Variants in HS6ST3 observed in about 807,000 individuals in gnomAD.
HS6ST3 encodes the protein heparan sulfate 6-O-sulfotransferase 3.
In HS6ST3, 12 loss-of-function variants were observed where a neutral mutation model predicts 36.7. That is an observed-to-expected ratio of 0.33 (90% CI 0.21 to 0.53). The LOEUF is 0.53. Ranked by LOEUF, HS6ST3 falls within the 20% of genes least tolerant of loss-of-function variation. The pLI is 0.95. For missense variants in HS6ST3, 584 were observed against 640.9 expected, an observed-to-expected ratio of 0.91 and a Z score of 0.96; for synonymous variants, 240 against 257.5, an observed-to-expected ratio of 0.93 and a Z score of 0.65.
At chr13:96,826,417 A>G (rs7987042) in intron 1 of HS6ST3, among the ~76,000 whole-genome samples, 2 of 151,684 alleles carry the variant, frequency 1.3e-5, no homozygotes, top group Non-Finnish European at 2.9e-5. Context: ...TTACATAGCA[A>G]TTTTTTTTTA....
chr13:96,729,109 A>C (rs953555095), intron 1 of HS6ST3, among the ~76,000 whole-genome samples: 8 of 152,232 alleles, frequency 5.3e-5, no homozygotes, highest in Admixed American at 4.6e-4. Context: ...TTTTTGACAG[A>C]GAACAAAAAA....
At chr13:96,206,096 A>G (rs1394051247) in intron 1 of HS6ST3, among the ~76,000 whole-genome samples, 3 of 152,234 alleles carry the variant, frequency 2.0e-5, no homozygotes, top group Non-Finnish European at 4.4e-5. Context: ...TCTTAAGCTG[A>G]TAAGCAACTT....
At chr13:96,322,615 T>A (rs1223549788) in intron 1 of HS6ST3, among the ~76,000 whole-genome samples, 1 of 152,102 alleles carries the variant, frequency 6.6e-6, no homozygotes, top group Non-Finnish European at 1.5e-5. Context: ...AAATGCAATT[T>A]TTTTCTCCTA....
At chr13:96,408,956 T>G (rs183488372) in intron 1 of HS6ST3, among the ~76,000 whole-genome samples, 31 of 152,104 alleles carry the variant, frequency 2.0e-4, no homozygotes, top group African/African-American at 7.2e-4. Context: ...AAGAAAATAC[T>G]GTAATCGAAC....
At chr13:96,592,475 T>C (rs2056386134) in intron 1 of HS6ST3, among the ~76,000 whole-genome samples, 2 of 152,166 alleles carry the variant, frequency 1.3e-5, no homozygotes, top group South Asian at 4.1e-4. Flanking sequence ...GTTATGATAT[T>C]CTGTGTTTTT....
rs185158273 is a variant in HS6ST3, at chr13:96,519,412, G to T, written c.708-313078G>T. 2.0e-5 allele frequency among the ~76,000 whole-genome samples: 3 copies of T among 152,304 alleles called. No homozygotes were observed. The East Asian group carries it at 5.8e-4, about 29-fold the overall frequency. ...GGTGAAGTCTTGTTTTGCTTTGAAT[G>T]ACCGTATCTAAACTGAACTTATGTG... On this transcript the variant is annotated intron_variant, in intron 1 of 1. Transcript: ENST00000376705.
chr13:96,324,317 T>C (rs1224730422), intron 1 of HS6ST3, among the ~76,000 whole-genome samples: 2 of 152,188 alleles, frequency 1.3e-5, no homozygotes, highest in African/African-American at 2.4e-5. Context: ...TTACAAATGC[T>C]GTGATCTCCA....
rs994943076 is a variant in HS6ST3 at position 96,091,670 on chromosome 13, G to A, written c.707+101G>A. 11 of 1,421,690 alleles carry A rather than the reference G, an allele frequency of 7.7e-6. No individual in the cohort carries two copies. In the East Asian group the frequency reaches 2.0e-4, roughly 26 times the overall value. 88.1% of individuals were successfully genotyped at this position (1,421,690 alleles called of 1,614,324 possible). On this transcript the variant is annotated intron_variant, in intron 1 of 1. Transcript: ENST00000376705. Reference sequence around the variant, plus strand: ...CCCGCGCTCCCTGCCCCTGCCGATGGTTTCCTGGCGTCTTCAGCGGTTGGC... The same window carrying A: ...CCCGCGCTCCCTGCCCCTGCCGATGATTTCCTGGCGTCTTCAGCGGTTGGC...
intron 1 of HS6ST3, among the ~76,000 whole-genome samples, chr13:96,264,064 A>C (rs143431370): frequency 1.5e-4 from 23 of 152,350 alleles, no homozygotes; most frequent in African/African-American, 5.5e-4. Flanking sequence ...ACTCCTAGGT[A>C]TATGAGAATG....
At chr13:96,229,463 C>G (rs899298637) in intron 1 of HS6ST3, among the ~76,000 whole-genome samples, 6 of 152,318 alleles carry the variant, frequency 3.9e-5, no homozygotes, top group African/African-American at 1.4e-4. Context: ...TGAGGGCTCT[C>G]TTCCTGGCTC....
At chr13:96,472,183 A>G (rs1226350020) in intron 1 of HS6ST3, among the ~76,000 whole-genome samples, 1 of 152,226 alleles carries the variant, frequency 6.6e-6, no homozygotes, top group Non-Finnish European at 1.5e-5. Context: ...GAAAGGAGTA[A>G]GAATTGGGAA....
chr13:96,392,061 CA>C (rs1480805329), intron 1 of HS6ST3, among the ~76,000 whole-genome samples: 1 of 152,198 alleles, frequency 6.6e-6, no homozygotes, highest in Non-Finnish European at 1.5e-5. Flanking sequence ...TCTGCTGTAG[CA>C]GCTGCTTTTC....
chr13:96,519,348 A>G (rs114199857), intron 1 of HS6ST3, among the ~76,000 whole-genome samples: 1,981 of 152,308 alleles, frequency 0.013, 21 homozygotes, highest in Non-Finnish European at 0.015. Flanking sequence ...TGACCTGTAC[A>G]CTTTCCCTAA....
At chr13:96,588,909 T>A (rs1337288310) in intron 1 of HS6ST3, among the ~76,000 whole-genome samples, 1 of 151,834 alleles carries the variant, frequency 6.6e-6, no homozygotes, top group Admixed American at 6.6e-5. Context: ...AAATTAGCCA[T>A]GCATGGTGGC....
At chr13:96,781,075 C>G (rs1392925825) in intron 1 of HS6ST3, among the ~76,000 whole-genome samples, 1 of 152,156 alleles carries the variant, frequency 6.6e-6, no homozygotes, top group African/African-American at 2.4e-5. Context: ...ATAGCTGTGT[C>G]TGTCTAACTA....
chr13:96,166,328 G>T (rs984846868), intron 1 of HS6ST3, among the ~76,000 whole-genome samples: 1 of 151,992 alleles, frequency 6.6e-6, no homozygotes, highest in East Asian at 1.9e-4. Context: ...TGACCCCTTG[G>T]TTCCTACTGT....
chr13:96,208,845 A>G (rs971479906), intron 1 of HS6ST3, among the ~76,000 whole-genome samples: 7 of 152,242 alleles, frequency 4.6e-5, no homozygotes, highest in African/African-American at 1.7e-4. Context: ...TTTTGGGAAT[A>G]GTTGTTAATA....
intron 1 of HS6ST3, among the ~76,000 whole-genome samples, chr13:96,153,175 C>T (rs1044412681): frequency 6.6e-6 from 1 of 152,102 alleles, no homozygotes; most frequent in Non-Finnish European, 1.5e-5. Context: ...TTGAAGACAG[C>T]GTGTGTGTCT....
intron 1 of HS6ST3, among the ~76,000 whole-genome samples, chr13:96,094,875 T>C (rs1261740912): frequency 1.3e-5 from 2 of 152,180 alleles, no homozygotes; most frequent in Non-Finnish European, 2.9e-5. Flanking sequence ...TTGTGTTGCT[T>C]TTCCCCCTCA....
Sources: gnomAD v4.1 joint callset for allele counts (sites outside exome capture counted in the v4.1 genomes callset) on GRCh38, gnomAD v4.1.1 for gene constraint, MANE v1.5 for transcripts, NCBI Gene and HGNC (gene_info 2026-07-23, HGNC 2026-07-21) for gene names.